Variants in PRKN observed in about 807,000 individuals in gnomAD.
PRKN encodes parkin RBR E3 ubiquitin protein ligase.
A neutral mutation model predicts 59.5 loss-of-function variants in PRKN; 56 were observed. The ratio of observed to expected loss-of-function variants is 0.94; its 90% CI spans 0.76 to 1.18. The LOEUF is 1.18. PRKN is among the 50% of genes most tolerant of loss of function. PRKN has a pLI of 0.00. For synonymous variants in PRKN, 250 were observed against 222.1 expected, an observed-to-expected ratio of 1.13 and a Z score of -1.12; for missense variants, 657 against 596.4, an observed-to-expected ratio of 1.10 and a Z score of -1.06.
intron 1 of PRKN, among the ~76,000 whole-genome samples, chr6:162,687,668 C>T (rs190245742): frequency 6.6e-6 from 1 of 152,144 alleles, no homozygotes; most frequent in Non-Finnish European, 1.5e-5. Context: ...ACAAAAATTC[C>T]CCTTCTGAAA....
intron 5 of PRKN, among the ~76,000 whole-genome samples, chr6:162,021,456 TA>T (rs1562465982): frequency 0.01 from 70 of 6,814 alleles, no homozygotes; most frequent in Admixed American, 0.027. Context: ...TATATATATA[TA>T]TATATTTTTT....
intron 7 of PRKN, among the ~76,000 whole-genome samples, chr6:161,726,795 C>A (rs1024147423): frequency 6.6e-6 from 1 of 152,104 alleles, no homozygotes; most frequent in African/African-American, 2.4e-5. Flanking sequence ...ACCCTATAGG[C>A]CCTCCCAATC....
chr6:162,330,363 G>T (rs1388138692), intron 2 of PRKN, among the ~76,000 whole-genome samples: 1 of 152,082 alleles, frequency 6.6e-6, no homozygotes, highest in Non-Finnish European at 1.5e-5. Flanking sequence ...CTTTATACAT[G>T]TACATAAGTT....
chr6:161,935,921 T>A (rs1779340347), intron 6 of PRKN, among the ~76,000 whole-genome samples: 1 of 152,232 alleles, frequency 6.6e-6, no homozygotes, highest in African/African-American at 2.4e-5. Flanking sequence ...TCAGTTGGTG[T>A]AATTTACACA....
At chr6:161,683,615 C>T (rs1191312936) in intron 7 of PRKN, among the ~76,000 whole-genome samples, 3 of 152,200 alleles carry the variant, frequency 2.0e-5, no homozygotes, top group African/African-American at 7.2e-5. Flanking sequence ...TCAGACCTGA[C>T]AGGAGCACCT....
intron 2 of PRKN, among the ~76,000 whole-genome samples, chr6:162,422,658 A>G (rs891624106): frequency 1.3e-5 from 2 of 152,166 alleles, no homozygotes; most frequent in Non-Finnish European, 2.9e-5. Flanking sequence ...GAGTCATAAG[A>G]AGGAGGCTGG....
intron 6 of PRKN, among the ~76,000 whole-genome samples, chr6:161,886,859 T>C (rs1028292216): frequency 1.1e-4 from 17 of 152,094 alleles, no homozygotes; most frequent in African/African-American, 4.1e-4. Flanking sequence ...GAAGAAAAGC[T>C]ATATACTTTA....
intron 5 of PRKN, among the ~76,000 whole-genome samples, chr6:162,047,422 C>T (rs1784293851): frequency 6.6e-6 from 1 of 152,074 alleles, no homozygotes; most frequent in Admixed American, 6.6e-5. Flanking sequence ...AATATGGAGC[C>T]CACGGCTCTC....
In PRKN at chr6:162,250,119, C is replaced by T. The variant is rs1417928472; in HGVS notation, c.412+12406G>A. Among the ~76,000 whole-genome samples the T allele has an allele frequency of 2.6e-5, 4 of 150,978 alleles. No homozygotes were observed. In the East Asian group the frequency reaches 7.8e-4, roughly 30 times the overall value. ...CGAGATCACACCACAGGACTCCAGC[C>T]TGGGTTACAACAGAGCAAGACTCCG... On this transcript the variant is annotated intron_variant, in intron 3 of 11. Transcript: ENST00000366898.
chr6:161,650,998 T>C (rs1784130883), intron 7 of PRKN, among the ~76,000 whole-genome samples: 1 of 152,232 alleles, frequency 6.6e-6, no homozygotes, highest in Non-Finnish European at 1.5e-5. Flanking sequence ...CTCCTTTGTG[T>C]CTCTGGTAAT....
At chr6:162,574,767 G>GTTTT (rs11319727) in intron 1 of PRKN, among the ~76,000 whole-genome samples, 2 of 133,548 alleles carry the variant, frequency 1.5e-5, no homozygotes, top group Non-Finnish European at 3.1e-5. Flanking sequence ...ATACTAAGTT[G>GTTTT]TTTTTTTTTT....
Position 161,487,736 on chromosome 6 carries a change from C to T in PRKN, c.1083+61118G>A, listed in dbSNP as rs1777379696. Reference sequence around the variant, plus strand: ...CAGAAAAAGCGCCTATGGAGGCTCGCGAATAGAGAGGCACCATGCTCATTG... The same window carrying T: ...CAGAAAAAGCGCCTATGGAGGCTCGTGAATAGAGAGGCACCATGCTCATTG... On this transcript the variant is annotated intron_variant, in intron 9 of 11. Transcript: ENST00000366898. This position sits in a 1 kb window ranked among gnomAD's most constrained non-coding sequence, Gnocchi z 5.3. 6.6e-6 allele frequency among the ~76,000 whole-genome samples: 1 copy of T among 152,108 alleles called. No homozygotes were observed. Among genetic ancestry groups the T allele is most frequent in the Admixed American group, 6.5e-5 (1 of 15,272 alleles).
chr6:162,575,555 TAC>T (rs139632991), intron 1 of PRKN, among the ~76,000 whole-genome samples: 33,677 of 151,966 alleles, frequency 0.22, 4,468 homozygotes, highest in African/African-American at 0.37. Flanking sequence ...TCCCAGGACT[TAC>T]AGTTTAGTCT....
intron 2 of PRKN, among the ~76,000 whole-genome samples, chr6:162,316,843 T>C (rs1174642227): frequency 6.6e-6 from 1 of 152,172 alleles, no homozygotes; most frequent in Non-Finnish European, 1.5e-5. Flanking sequence ...ATATGAAAAG[T>C]TGGCATATAT....
At chr6:161,807,455 G>A (rs1476199346) in intron 6 of PRKN, among the ~76,000 whole-genome samples, 1 of 151,982 alleles carries the variant, frequency 6.6e-6, no homozygotes, top group Non-Finnish European at 1.5e-5. Context: ...AGATTGCTAG[G>A]GCTGCCATGA....
intron 7 of PRKN, among the ~76,000 whole-genome samples, chr6:161,655,961 G>C (rs9458329): frequency 1.3e-5 from 2 of 149,540 alleles, no homozygotes; most frequent in Admixed American, 1.3e-4. Flanking sequence ...TGATTCACGT[G>C]TATGGTATAA....
In PRKN at chr6:161,391,742, T is replaced by C. The variant is rs1786511588; in HGVS notation, c.1084-4865A>G. On this transcript the variant is annotated intron_variant, in intron 9 of 11. Transcript: ENST00000366898. The surrounding 1 kb of genome is among the most constrained non-coding windows in gnomAD (Gnocchi z 4.9). ...CCTAGATAACCTGAAGGGGGCTGAT[T>C]CAATCTGTGGAAAGGCCTAAGAGCA... 6.6e-6 allele frequency among the ~76,000 whole-genome samples: 1 copy of C among 152,060 alleles called. No individual in the cohort carries two copies. Among genetic ancestry groups the C allele is most frequent in the Non-Finnish European group, 1.5e-5 (1 of 68,030 alleles).
At chr6:162,363,308 T>C (rs995333055) in intron 2 of PRKN, among the ~76,000 whole-genome samples, 3 of 152,142 alleles carry the variant, frequency 2.0e-5, no homozygotes, top group African/African-American at 7.2e-5. Context: ...TTGATGCTGC[T>C]GTAATTCAAT....
rs1233598758 is a variant in PRKN, at chr6:161,549,627, T to C, written c.934-624A>G. On this transcript the variant is annotated intron_variant, in intron 8 of 11. Transcript: ENST00000366898. The surrounding 1 kb of genome is among the most constrained non-coding windows in gnomAD (Gnocchi z 6.0). ...GATGTCATTTCTTCCTGGTACCGTT[T>C]TGCTCAATTTCCTTTAATGGTTTCC... is the stretch of plus-strand genomic sequence containing the variant. 2.0e-5 allele frequency among the ~76,000 whole-genome samples: 3 copies of C among 152,310 alleles called. No homozygotes were observed. In the East Asian group the frequency reaches 5.8e-4, roughly 29 times the overall value.
Sources: allele counts gnomAD v4.1 joint callset (sites outside exome capture counted in the v4.1 genomes callset), GRCh38; gene constraint gnomAD v4.1.1; non-coding constraint Gnocchi (gnomAD v3.1); transcripts MANE v1.5; gene names NCBI Gene and HGNC (gene_info 2026-07-23, HGNC 2026-07-21).